Variants in INO80 observed in about 807,000 individuals in gnomAD.
INO80 encodes INO80 complex ATPase subunit, also known as chromatin-remodeling ATPase INO80.
A neutral mutation model predicts 203.4 loss-of-function variants in INO80; 20 were observed. The observed-to-expected ratio is 0.10, with a 90% confidence interval of 0.07 to 0.14. The LOEUF is 0.14. Among genes scored for constraint, INO80 ranks in the 10% least tolerant of loss-of-function variants. The pLI, the probability that INO80 is intolerant of heterozygous loss-of-function variation, is 1.00. For missense variants in INO80, 1,419 were observed against 1,914.4 expected, an observed-to-expected ratio of 0.74 and a Z score of 4.83; for synonymous variants, 726 against 685.2, an observed-to-expected ratio of 1.06 and a Z score of -0.93.
chr15:40,980,474 C>G, intron 35 of INO80, 34 bp from the exon 36 acceptor site: 1 of 1,531,896 alleles, frequency 6.5e-7, no homozygotes. Flanking sequence ...AACGTAAGCA[C>G]CAGTCCCGCG....
chr15:40,987,809 T>C lies in INO80; in HGVS notation c.3729+7A>G. ...CCAGTGTAGGAATTTCTTTCTCTTG[T>C]GCTTACCTCACTCTTCTCCTTGGCT... On this transcript the variant is annotated splice_region_variant and intron_variant, in intron 30 of 35. Transcript: ENST00000648947. 1.2e-6 allele frequency: 2 copies of C among 1,612,518 alleles called. No homozygotes were observed. Among genetic ancestry groups the C allele is most frequent in the African/African-American group, 1.3e-5 (1 of 74,998 alleles).
At chr15:41,098,052 G>C (rs567219469) in intron 1 of INO80, among the ~76,000 whole-genome samples, 1 of 152,010 alleles carries the variant, frequency 6.6e-6, no homozygotes, top group East Asian at 1.9e-4. Flanking sequence ...GGGTTTCACC[G>C]TGTTGGCCAG....
intron 16 of INO80, among the ~76,000 whole-genome samples, chr15:41,057,657 C>T (rs1282537546): frequency 6.6e-6 from 1 of 151,440 alleles, no homozygotes; most frequent in Non-Finnish European, 1.5e-5. Context: ...ATTAGCCGGA[C>T]ATGGTGGTGA....
At chr15:41,021,331 C>A (rs189745110) in intron 25 of INO80, among the ~76,000 whole-genome samples, 2 of 152,286 alleles carry the variant, frequency 1.3e-5, no homozygotes, top group Admixed American at 1.3e-4. Context: ...TAAAATGAAA[C>A]CTGCAAACAA....
chr15:41,087,274 C>T (rs568537172), intron 6 of INO80, among the ~76,000 whole-genome samples: 1 of 152,224 alleles, frequency 6.6e-6, no homozygotes, highest in Admixed American at 6.5e-5. Context: ...CCAGAGATGA[C>T]TTAAAGTATA....
intron 24 of INO80, among the ~76,000 whole-genome samples, chr15:41,033,889 A>T (rs1422287650): frequency 6.6e-6 from 1 of 151,726 alleles, no homozygotes; most frequent in Non-Finnish European, 1.5e-5. Context: ...CCCTATCTCT[A>T]CTAAAAAAAA....
chr15:40,992,124 C>T (rs1356359499), intron 29 of INO80, among the ~76,000 whole-genome samples: 1 of 152,204 alleles, frequency 6.6e-6, no homozygotes, highest in Non-Finnish European at 1.5e-5. Flanking sequence ...TGGACCAACA[C>T]TTGGAGGGTG....
At chr15:41,090,883 TTAG>T (rs1220523286) in intron 5 of INO80, among the ~76,000 whole-genome samples, 1 of 151,864 alleles carries the variant, frequency 6.6e-6, no homozygotes, top group Admixed American at 6.6e-5. Context: ...ATCCGAAGTA[TTAG>T]TAGTTTAATT....
At chr15:41,050,466 G>C (rs1320154656) in intron 19 of INO80, among the ~76,000 whole-genome samples, 3 of 152,190 alleles carry the variant, frequency 2.0e-5, no homozygotes, top group Admixed American at 1.3e-4. Flanking sequence ...CATATGTGAT[G>C]TGTCAGAAAA....
At position 41,081,043 on chromosome 15, in the gene INO80, G is replaced by C; in HGVS notation, c.904C>G (p.Leu302Val). The change falls in exon 8 of 36, where the codon CTG (leucine) becomes GTG (valine). Residue 302 changes from leucine (L) to valine (V), a missense_variant. This residue lies in a region of INO80 where 87 missense variants were observed against 150.5 expected (regional missense o/e 0.58). Transcript: ENST00000648947. The part of the protein sequence containing the change: ...ANKQKASARN[L>V]FLTNSRKLAH... ...ACCTTTCGGCTATTGGTGAGAAACA[G>C]GTTACGAGCTGAAGCTTTCTGCTTA... The C allele has an allele frequency of 6.2e-7, 1 of 1,601,232 alleles. No homozygotes were observed. The highest frequency in any genetic ancestry group is 8.6e-7 in the Non-Finnish European group (1 of 1,168,976).
intron 24 of INO80, among the ~76,000 whole-genome samples, chr15:41,036,180 AAAAAAC>A (rs1270061854): frequency 2.7e-5 from 4 of 149,636 alleles, no homozygotes; most frequent in African/African-American, 9.8e-5. Context: ...AAAAAAAAAA[AAAAAAC>A]CCAAAAAAAC....
At chr15:41,046,197 GTATACATACATATATATATATATATATA>G (rs1382987843) in intron 23 of INO80, among the ~76,000 whole-genome samples, 1 of 105,148 alleles carries the variant, frequency 9.5e-6, no homozygotes. Flanking sequence ...CTCTGTGTGC[GTATACATACATATATATATATATATATA>G]TATATATATA....
At chr15:41,086,660 A>G (rs2045569568) in intron 6 of INO80, among the ~76,000 whole-genome samples, 1 of 152,096 alleles carries the variant, frequency 6.6e-6, no homozygotes, top group African/African-American at 2.4e-5. Context: ...CAAAAAAAAA[A>G]AAAAAGAAAT....
intron 29 of INO80, among the ~76,000 whole-genome samples, chr15:40,991,335 G>A (rs2043814503): frequency 6.6e-6 from 1 of 152,064 alleles, no homozygotes; most frequent in Admixed American, 6.6e-5. Flanking sequence ...AAACTAATAG[G>A]TTAAGAACAA....
At chr15:40,991,488 G>T (rs2043816287) in intron 29 of INO80, among the ~76,000 whole-genome samples, 2 of 152,034 alleles carry the variant, frequency 1.3e-5, no homozygotes, top group African/African-American at 4.8e-5. Context: ...TTGGCAGTTG[G>T]GTTTATGGAG....
At position 41,067,398 on chromosome 15, in the gene INO80, G is replaced by T. The variant is rs1362000451; in HGVS notation, c.1782+2172C>A. 5.3e-5 allele frequency among the ~76,000 whole-genome samples: 8 copies of T among 151,792 alleles called. No individual in the cohort carries two copies. In the East Asian group the frequency reaches 1.5e-3, roughly 29 times the overall value. On this transcript the variant is annotated intron_variant, in intron 14 of 35. Coordinates refer to ENST00000648947, the MANE Select transcript of INO80 (RefSeq NM_017553.3). ...CAAGATCTTTTATTTTTCAAGATCTGCATTGTTCAATATATACTGAACATC... is the reference window on the plus strand; with the variant it reads ...CAAGATCTTTTATTTTTCAAGATCTTCATTGTTCAATATATACTGAACATC...
At chr15:41,064,874 G>A (rs532979748) in intron 14 of INO80, among the ~76,000 whole-genome samples, 1 of 152,206 alleles carries the variant, frequency 6.6e-6, no homozygotes, top group South Asian at 2.1e-4. Flanking sequence ...GCAGGCTCCT[G>A]TAGTCCCAGT....
intron 24 of INO80, among the ~76,000 whole-genome samples, chr15:41,040,629 T>C (rs1165027443): frequency 6.6e-6 from 1 of 152,150 alleles, no homozygotes; most frequent in African/African-American, 2.4e-5. Flanking sequence ...CCCAGCACTT[T>C]GGGAGGCTGA....
chr15:40,980,032 C>T lies in INO80; in HGVS notation c.*191G>A. 1.7e-6 allele frequency: 1 copy of T among 601,490 alleles called. No individual in the cohort carries two copies. The highest frequency in any genetic ancestry group is 3.0e-6 in the Non-Finnish European group (1 of 338,064). 37.3% of individuals were successfully genotyped at this position (601,490 alleles called of 1,614,324 possible). A position where few individuals can be genotyped will look rare whatever the true frequency, so the allele number is the denominator to read the frequency against. Reference sequence around the variant, plus strand: ...CCTGTGGCCTTCCTCCTACAGGCACCCCAGATGCTCCTGATGAGACACAGA... The same window carrying T: ...CCTGTGGCCTTCCTCCTACAGGCACTCCAGATGCTCCTGATGAGACACAGA... On this transcript the variant is annotated 3_prime_UTR_variant, in exon 36 of 36. Transcript: ENST00000648947.
Sources: allele counts gnomAD v4.1 joint callset (sites outside exome capture counted in the v4.1 genomes callset), GRCh38; gene constraint gnomAD v4.1.1; regional missense constraint gnomAD v4.1.1; transcripts MANE v1.5; gene names NCBI Gene and HGNC (gene_info 2026-07-23, HGNC 2026-07-21).